Variants in SCAP observed in about 807,000 individuals in gnomAD.
The protein encoded by SCAP is SREBF chaperone, also known as sterol regulatory element-binding protein cleavage-activating protein.
In SCAP, 65 loss-of-function variants were observed where a neutral mutation model predicts 123.6. The ratio of observed to expected loss-of-function variants is 0.53; its 90% CI spans 0.43 to 0.65. SCAP has a LOEUF of 0.65. Ranked by LOEUF, SCAP falls within the 30% of genes least tolerant of loss-of-function variation. The probability of loss-of-function intolerance (pLI) is 0.00; values close to 1 mark genes in which losing one functional copy is unlikely to be tolerated. For missense variants in SCAP, 1,398 were observed against 1,712.5 expected, an observed-to-expected ratio of 0.82 and a Z score of 3.24; for synonymous variants, 740 against 726.3, an observed-to-expected ratio of 1.02 and a Z score of -0.30.
intron 2 of SCAP, among the ~76,000 whole-genome samples, chr3:47,438,320 C>T (rs919283842): frequency 6.6e-6 from 1 of 152,102 alleles, no homozygotes; most frequent in South Asian, 2.1e-4. Context: ...TACCTACACT[C>T]AAAAACCATT....
At chr3:47,418,626 T>TGG in intron 14 of SCAP, 29 bp downstream of exon 14, 2 of 1,459,522 alleles carry the variant, frequency 1.4e-6, no homozygotes, top group Non-Finnish European at 1.9e-6. Flanking sequence ...CCGCACTCTT[T>TGG]CCCACCCCAC....
intron 16 of SCAP, 67 bp downstream of exon 16, chr3:47,418,067 G>A (rs1214027378): frequency 1.5e-5 from 18 of 1,196,716 alleles, no homozygotes; most frequent in Middle Eastern, 2.7e-4. Context: ...GGGGAGATAC[G>A]TGGCGGCGGG....
chr3:47,425,392 C>A (rs1165473318), intron 8 of SCAP, 93 bp downstream of exon 8: 2 of 1,397,544 alleles, frequency 1.4e-6, no homozygotes, highest in African/African-American at 1.4e-5. Flanking sequence ...CGTGAGGTCA[C>A]AGCAAAGTCC....
chr3:47,419,176 A>G lies in SCAP; in HGVS notation c.1940+152T>C. The stretch of plus-strand genomic sequence containing the variant: ...CAACCTGGGACTCCTCTCTTGGGTT[A>G]TAGCTGCCTAAACCACCAGTTCCCA... On this transcript the variant is annotated intron_variant, in intron 13 of 22. Transcript: ENST00000265565. This position sits in a 1 kb window ranked among gnomAD's most constrained non-coding sequence, Gnocchi z 5.0. The G allele has an allele frequency of 9.0e-7, 1 of 1,106,248 alleles. No homozygotes were observed. The highest frequency in any genetic ancestry group is 1.3e-6 in the Non-Finnish European group (1 of 797,794). 68.5% of individuals were successfully genotyped at this position (1,106,248 alleles called of 1,614,324 possible).
At position 47,418,690 on chromosome 3, in the gene SCAP, A is replaced by G. The variant is rs1576252225; in HGVS notation, c.2094T>C (p.Gly698=). 1.5e-6 allele frequency: 2 copies of G among 1,327,734 alleles called. No homozygotes were observed. The highest frequency in any genetic ancestry group is 2.0e-6 in the Non-Finnish European group (2 of 1,014,798). 82.2% of individuals were successfully genotyped at this position (1,327,734 alleles called of 1,614,324 possible). A position where few individuals can be genotyped will look rare whatever the true frequency, so the allele number is the denominator to read the frequency against. Residue 698 remains glycine, a synonymous_variant, in exon 14 of 23, where the codon GGT becomes GGC. Transcript: ENST00000265565. The part of the protein sequence containing the change: ...GHWEAGPKGP[G]GVQAHGDVTL... ...TGACGTCTCCATGGGCCTGCACCCC[A>G]CCTGGGCCCTTGGGTCCTGCTTCCC...
intron 1 of SCAP, among the ~76,000 whole-genome samples, chr3:47,460,326 G>A (rs186698810): frequency 1.3e-4 from 20 of 152,238 alleles, no homozygotes; most frequent in African/African-American, 4.1e-4. Context: ...TTAATTTTGG[G>A]AACTGATAAA....
chr3:47,474,179 C>T (rs1439605393), intron 1 of SCAP, among the ~76,000 whole-genome samples: 2 of 151,644 alleles, frequency 1.3e-5, no homozygotes, highest in African/African-American at 2.4e-5. Flanking sequence ...GCAGGAGAAT[C>T]GCTTGAACCC....
intron 1 of SCAP, among the ~76,000 whole-genome samples, chr3:47,473,250 T>C (rs1256615658): frequency 1.3e-5 from 2 of 151,494 alleles, no homozygotes; most frequent in Non-Finnish European, 2.9e-5. Flanking sequence ...GTAAAGGGGG[T>C]GATAACAGTG....
intron 1 of SCAP, among the ~76,000 whole-genome samples, chr3:47,461,867 C>T (rs1408290090): frequency 6.6e-6 from 1 of 152,130 alleles, no homozygotes; most frequent in Non-Finnish European, 1.5e-5. Flanking sequence ...AACCCTATCT[C>T]TACTAAAAAT....
chr3:47,420,093 G>A lies in SCAP; in HGVS notation c.1564-389C>T, dbSNP rs1705822739. Among the ~76,000 whole-genome samples, 1 of 152,154 alleles carries A rather than the reference G, an allele frequency of 6.6e-6. No individual in the cohort carries two copies. The highest frequency in any genetic ancestry group is 2.1e-4 in the South Asian group (1 of 4,822). The stretch of plus-strand genomic sequence containing the variant: ...AGTCCCCCAGAGGTCCTAGTCCCAG[G>A]GGGCCTCAGCCTTCCTCCCATCTCA... On this transcript the variant is annotated intron_variant, in intron 12 of 22. Transcript: ENST00000265565. This position sits in a 1 kb window ranked among gnomAD's most constrained non-coding sequence, Gnocchi z 5.0.
chr3:47,455,655 A>G (rs1440087142), intron 1 of SCAP, among the ~76,000 whole-genome samples: 3 of 152,012 alleles, frequency 2.0e-5, no homozygotes, highest in Non-Finnish European at 2.9e-5. Flanking sequence ...AAAGACAGAA[A>G]AGATGACTTC....
Position 47,415,195 on chromosome 3 carries a change from C to G in SCAP, c.3057-15G>C. On this transcript the variant is annotated splice_polypyrimidine_tract_variant and intron_variant, in intron 18 of 22. Transcript: ENST00000265565. ...CAGCCACAATCCTGGAAGAGAAGAA[C>G]AGCTGCCAGGGGCCTCTCCCTTAGA... 2 of 1,600,758 alleles carry G rather than the reference C, an allele frequency of 1.2e-6. No homozygotes were observed. The highest frequency in any genetic ancestry group is 3.5e-5 in the Admixed American group (2 of 57,162).
rs773548561 is a variant in SCAP, at chr3:47,427,245, G to C, written c.649C>G (p.Pro217Ala). The part of the protein sequence containing the change: ...ATLKDLLFGV[P>A]GKYSGVSLYT... ...AGGCTCACCCCGCTGTACTTCCCAGGAACACCAAATAACAAGTCTGCAAGC... is the reference window on the plus strand; with the variant it reads ...AGGCTCACCCCGCTGTACTTCCCAGCAACACCAAATAACAAGTCTGCAAGC... The change falls in exon 6 of 23, where the codon CCT becomes GCT. Residue 217 changes from proline to alanine, a missense_variant. Transcript: ENST00000265565. 1.2e-6 allele frequency: 2 copies of C among 1,613,306 alleles called. No individual in the cohort carries two copies. The highest frequency in any genetic ancestry group is 8.5e-7 in the Non-Finnish European group (1 of 1,179,684).
intron 1 of SCAP, among the ~76,000 whole-genome samples, chr3:47,452,796 C>T (rs1054796820): frequency 1.1e-4 from 17 of 152,134 alleles, no homozygotes; most frequent in African/African-American, 2.7e-4. Context: ...CTAAACTGGA[C>T]GAGCAGGGCA....
Position 47,414,557 on chromosome 3 carries a change from C to T in SCAP, c.3387+15G>A. 1 of 1,613,340 alleles carries T rather than the reference C, an allele frequency of 6.2e-7. No individual in the cohort carries two copies. The highest frequency in any genetic ancestry group is 2.2e-5 in the East Asian group (1 of 44,884). On this transcript the variant is annotated intron_variant, in intron 21 of 22. Transcript: ENST00000265565. ...ACAGACTCTGTACCCCCTACCCCAC[C>T]TGCAGGCCGCTTACCTGGTCAATGT...
Position 47,418,665 on chromosome 3 carries a change from T to C in SCAP, c.2119A>G (p.Thr707Ala), listed in dbSNP as rs765343510. 7.6e-6 allele frequency: 10 copies of C among 1,322,328 alleles called. No homozygotes were observed. In the South Asian group the frequency reaches 1.2e-4, roughly 15 times the overall value. The allele number at this position is 1,322,328 out of a possible 1,614,324, so 81.9% of individuals were successfully genotyped here. ...ACCCAGCAGCCTTACTTGTACAGCG[T>C]GACGTCTCCATGGGCCTGCACCCCA... ...PGGVQAHGDV[T>A]LYKVAALGLA... The change falls in exon 14 of 23, where the codon ACG becomes GCG. Residue 707 changes from threonine to alanine, a missense_variant. Around this residue, in one of 7 missense-constraint regions of SCAP, gnomAD observed 828 missense variants for 882.5 expected, o/e 0.94. Transcript: ENST00000265565.
At chr3:47,436,270 G>C (rs1335055684) in intron 2 of SCAP, among the ~76,000 whole-genome samples, 1 of 152,132 alleles carries the variant, frequency 6.6e-6, no homozygotes, top group African/African-American at 2.4e-5. Context: ...GTTTATACTA[G>C]GATCATGAGG....
Position 47,414,716 on chromosome 3 carries a change from A to G in SCAP, c.3307-64T>C. ...TTTTCCAAGTTATACTTTGGCTGGG[A>G]AATGCCCTCTGTTCTTCATCAGGAC... is the stretch of plus-strand genomic sequence containing the variant. On this transcript the variant is annotated intron_variant, in intron 20 of 22. Coordinates refer to ENST00000265565, the MANE Select transcript of SCAP (RefSeq NM_012235.4). 3 of 1,611,370 alleles carry G rather than the reference A, an allele frequency of 1.9e-6. No individual in the cohort carries two copies. The South Asian group carries it at 3.3e-5, about 18-fold the overall frequency.
At chr3:47,460,554 G>A (rs1450310563) in intron 1 of SCAP, among the ~76,000 whole-genome samples, 2 of 152,012 alleles carry the variant, frequency 1.3e-5, no homozygotes, top group Non-Finnish European at 2.9e-5. Flanking sequence ...TTGGTTTTTT[G>A]TTGTTGTTGT....
Sources: gnomAD v4.1 joint callset for allele counts (sites outside exome capture counted in the v4.1 genomes callset) on GRCh38, gnomAD v4.1.1 for gene constraint, gnomAD v4.1.1 regional missense constraint, Gnocchi (gnomAD v3.1) non-coding constraint, MANE v1.5 for transcripts, NCBI Gene and HGNC (gene_info 2026-07-23, HGNC 2026-07-21) for gene names.